MTRF1: variants seen among roughly 807,000 people sequenced by gnomAD.
MTRF1 encodes mitochondrial translation release factor 1.
MTRF1 carries 51 observed loss-of-function variants against 62.9 expected under a neutral mutation model. That is an observed-to-expected ratio of 0.81 (90% CI 0.65 to 1.02). The LOEUF (loss-of-function observed/expected upper bound fraction) is 1.02, where lower values mean the gene tolerates loss of function less well. Ranked by LOEUF, MTRF1 falls within the 50% of genes least tolerant of loss-of-function variation. MTRF1 has a pLI of 0.00. For synonymous variants in MTRF1, 158 were observed against 181.9 expected, an observed-to-expected ratio of 0.87 and a Z score of 1.06; for missense variants, 446 against 530.0, an observed-to-expected ratio of 0.84 and a Z score of 1.56.
the MTRF1 span, among the ~76,000 whole-genome samples, chr13:41,299,523 T>G: frequency 6.6e-6 from 1 of 152,194 alleles, no homozygotes; most frequent in African/African-American, 2.4e-5. Flanking sequence ...GAGGAGGTGC[T>G]GTGAATACTA....
At chr13:41,308,388 A>C in the MTRF1 span, among the ~76,000 whole-genome samples, 1 of 152,232 alleles carries the variant, frequency 6.6e-6, no homozygotes, top group African/African-American at 2.4e-5. Context: ...GACGCACTGA[A>C]GGTTTGGCTC....
At chr13:41,236,722 T>C (rs1223846271) in intron 6 of MTRF1, 1 of 152,186 alleles carries the variant, frequency 6.6e-6, no homozygotes, top group Admixed American at 6.5e-5. Flanking sequence ...CTATAGTATA[T>C]TAAGTAGTTA....
At chr13:41,302,536 A>AT in the MTRF1 span, among the ~76,000 whole-genome samples, 13 of 146,916 alleles carry the variant, frequency 8.8e-5, no homozygotes, top group African/African-American at 1.2e-4. Flanking sequence ...TTTTTTTTAA[A>AT]TTTTTTTTTT....
rs759980518 is a variant in MTRF1, at chr13:41,240,295, G to A, written c.836C>T (p.Thr279Met). 17 of 1,611,750 alleles carry A rather than the reference G, an allele frequency of 1.1e-5. No individual in the cohort carries two copies. Among genetic ancestry groups the A allele is most frequent in the Admixed American group, 1.7e-5 (1 of 59,728 alleles). Residue 279 changes from threonine (T) to methionine (M), a missense_variant, in exon 6 of 10, where the codon ACG (threonine) becomes ATG (methionine). By Grantham distance (81) the Thr-to-Met change is moderately conservative (BLOSUM62 -1). Coordinates refer to ENST00000379480, the MANE Select transcript of MTRF1 (RefSeq NM_004294.4). ...SSRMQRIHTG[T>M]MSVIVLPQPD... ...CTGAGGAAGGACAATAACCGACATCGTTCCTGTGTGAATGCGCTGCATCCT... is the reference window on the plus strand; with the variant it reads ...CTGAGGAAGGACAATAACCGACATCATTCCTGTGTGAATGCGCTGCATCCT...
chr13:41,293,401 A>C, the MTRF1 span, among the ~76,000 whole-genome samples: 3 of 152,208 alleles, frequency 2.0e-5, no homozygotes, highest in African/African-American at 7.2e-5. Context: ...AATTGTCAGC[A>C]TACACTTTGC....
the MTRF1 span, among the ~76,000 whole-genome samples, chr13:41,269,031 T>TA: frequency 4.7e-5 from 7 of 150,186 alleles, no homozygotes; most frequent in Admixed American, 1.3e-4. Context: ...TTTTTTTTTT[T>TA]AAAACCAGTC....
chr13:41,264,383 G>T (rs977152340), upstream of MTRF1, among the ~76,000 whole-genome samples: 19 of 152,320 alleles, frequency 1.2e-4, no homozygotes, highest in East Asian at 3.5e-3. Context: ...ATAAACAATT[G>T]CAGGAAAATG....
the MTRF1 span, chr13:41,311,682 T>C: frequency 9.2e-7 from 1 of 1,085,222 alleles, no homozygotes; most frequent in East Asian, 2.8e-5. Flanking sequence ...AGGCTTGGCC[T>C]CCGCTGCCCA....
intron 9 of MTRF1, among the ~76,000 whole-genome samples, chr13:41,219,004 G>T (rs1463631571): frequency 1.3e-5 from 2 of 152,190 alleles, no homozygotes; most frequent in Non-Finnish European, 2.9e-5. Context: ...AAATCAGTGT[G>T]ACTAGGCCAG....
intron 2 of MTRF1, 39 bp from the exon 3 acceptor site, chr13:41,254,659 A>T: frequency 6.7e-7 from 1 of 1,500,306 alleles, no homozygotes. Context: ...AAGTTTTTAA[A>T]TACTTACAGA....
At chr13:41,307,896 A>C in the MTRF1 span, among the ~76,000 whole-genome samples, 1 of 152,220 alleles carries the variant, frequency 6.6e-6, no homozygotes, top group African/African-American at 2.4e-5. Context: ...GAAGATATTA[A>C]ATATGAGTAT....
At chr13:41,253,977 A>C (rs2039399463) in intron 3 of MTRF1, among the ~76,000 whole-genome samples, 1 of 152,224 alleles carries the variant, frequency 6.6e-6, no homozygotes, top group Non-Finnish European at 1.5e-5. Context: ...CCATTAAGCA[A>C]GAATGAAAAG....
At chr13:41,252,433 C>T (rs2039189993) in intron 5 of MTRF1, 1 of 368,384 alleles carries the variant, frequency 2.7e-6, no homozygotes, top group Non-Finnish European at 4.8e-6. Context: ...ATATTTCTCC[C>T]TAAGCAAATG....
intron 5 of MTRF1, among the ~76,000 whole-genome samples, chr13:41,249,849 A>T (rs2038839207): frequency 6.6e-6 from 1 of 151,756 alleles, no homozygotes; most frequent in Admixed American, 6.6e-5. Context: ...CCTGGCCTCA[A>T]ATGATCCACC....
At chr13:41,267,848 G>C (rs1488082660), upstream of MTRF1, among the ~76,000 whole-genome samples, 1 of 134,302 alleles carries the variant, frequency 7.4e-6, no homozygotes, top group African/African-American at 2.8e-5. Context: ...CTGGGTGACA[G>C]AGTGAGAAAC....
the MTRF1 span, among the ~76,000 whole-genome samples, chr13:41,269,100 C>T: frequency 7.0e-6 from 1 of 142,606 alleles, no homozygotes; most frequent in African/African-American, 2.6e-5. Flanking sequence ...AATTATTTCT[C>T]TTTAAGCTTT....
chr13:41,233,256 T>C (rs2035904606), intron 7 of MTRF1, among the ~76,000 whole-genome samples: 1 of 152,128 alleles, frequency 6.6e-6, no homozygotes, highest in Non-Finnish European at 1.5e-5. Flanking sequence ...TTTAAAGTGG[T>C]TGTCTTTAGG....
intron 6 of MTRF1, among the ~76,000 whole-genome samples, chr13:41,239,392 G>A (rs1472224592): frequency 6.6e-6 from 1 of 152,162 alleles, no homozygotes; most frequent in Non-Finnish European, 1.5e-5. Flanking sequence ...CTATGTGAAA[G>A]ATTTGGAAGG....
chr13:41,304,005 A>G, the MTRF1 span, among the ~76,000 whole-genome samples: 2 of 152,108 alleles, frequency 1.3e-5, no homozygotes, highest in Non-Finnish European at 2.9e-5. Context: ...TAGAGTAGCT[A>G]TTCCTTCACC....
Sources: gnomAD v4.1 joint callset for allele counts (sites outside exome capture counted in the v4.1 genomes callset) on GRCh38, gnomAD v4.1.1 for gene constraint, MANE v1.5 for transcripts, NCBI Gene and HGNC (gene_info 2026-07-23, HGNC 2026-07-21) for gene names.